The following SETMAR variants were observed in gnomAD, a reference collection of about 807,000 sequenced individuals.
SETMAR encodes the protein SET and mariner transposase domain methyltransferase, also known as histone-lysine N-methyltransferase SETMAR.
A neutral mutation model predicts 58.4 loss-of-function variants in SETMAR; 44 were observed. The observed-to-expected ratio is 0.75, with a 90% CI of 0.59 to 0.97. SETMAR has a LOEUF of 0.97. Ranked by LOEUF, SETMAR falls within the 50% of genes least tolerant of loss-of-function variation. The probability of loss-of-function intolerance (pLI) is 0.00; values close to 1 mark genes in which losing one functional copy is unlikely to be tolerated. For missense variants in SETMAR, 903 were observed against 840.2 expected, an observed-to-expected ratio of 1.07 and a Z score of -0.92; for synonymous variants, 332 against 307.4, an observed-to-expected ratio of 1.08 and a Z score of -0.84.
intron 1 of SETMAR, among the ~76,000 whole-genome samples, chr3:4,310,637 G>A (rs1006254000): frequency 6.6e-6 from 1 of 152,144 alleles, no homozygotes; most frequent in African/African-American, 2.4e-5. Flanking sequence ...AAGTTTAATT[G>A]CAGAATTTTA....
chr3:4,311,864 A>G (rs1327893018), intron 1 of SETMAR, among the ~76,000 whole-genome samples: 1 of 152,218 alleles, frequency 6.6e-6, no homozygotes, highest in East Asian at 1.9e-4. Context: ...CTATATACAT[A>G]AAAAAATCTG....
At chr3:4,303,617 G>A in intron 1 of SETMAR, 91 bp downstream of exon 1, 4 of 1,379,232 alleles carry the variant, frequency 2.9e-6, no homozygotes, top group Non-Finnish European at 3.7e-6. Context: ...CCTCCCAGTC[G>A]CGACCTTTTG....
chr3:4,314,891 G>A (rs1400495475), intron 2 of SETMAR, among the ~76,000 whole-genome samples: 2 of 152,112 alleles, frequency 1.3e-5, no homozygotes, highest in Admixed American at 1.3e-4. Flanking sequence ...CTACCACTAG[G>A]AGGCCCTGCA....
chr3:4,304,706 G>T (rs555470675), intron 1 of SETMAR, among the ~76,000 whole-genome samples: 2 of 152,250 alleles, frequency 1.3e-5, no homozygotes, highest in South Asian at 4.1e-4. Context: ...TTTTTGTGAG[G>T]ATCAGATAAG....
chr3:4,313,666 GA>G lies in SETMAR; in HGVS notation c.929del (p.Lys310SerfsTer28). On this transcript the variant is annotated frameshift_variant, in exon 2 of 3. Coordinates refer to ENST00000358065, the MANE Select transcript of SETMAR (RefSeq NM_006515.4). LOFTEE classifies it high-confidence loss of function. The stretch of plus-strand genomic sequence containing the variant: ...TGACAGTTCTCTGTACTGCCCCGTA[GA>G]AAAGTCGAACATCAGTTGTGGAAAT... Reference protein sequence around the residue: ...PFDSSLYCPVEKSNISCGNEK... With the variant: ...PFDSSLYCPVXKSNISCGNEK... The G allele has an allele frequency of 6.2e-7, 1 of 1,614,012 alleles. No homozygotes were observed. Among genetic ancestry groups the G allele is most frequent in the Non-Finnish European group, 8.5e-7 (1 of 1,179,950 alleles).
At position 4,316,881 on chromosome 3, in the gene SETMAR, G is replaced by C; in HGVS notation, c.1690G>C (p.Asp564His). ...ITSEKYAQEI[D>H]EMNQKLQRLQ... ...ATCTGAGAAGTATGCTCAGGAAATC[G>C]ATGAGATGAACCAAAAACTGCAACG... The change falls in exon 3 of 3, where the codon GAT becomes CAT. Residue 564 changes from aspartate to histidine, a missense_variant. Asp to His is a moderately conservative substitution (Grantham distance 81, BLOSUM62 -1). Coordinates refer to ENST00000358065, the MANE Select transcript of SETMAR (RefSeq NM_006515.4). 6.5e-7 allele frequency: 1 copy of C among 1,549,316 alleles called. No homozygotes were observed.
At chr3:4,307,870 C>A (rs1698252287) in intron 1 of SETMAR, among the ~76,000 whole-genome samples, 1 of 151,910 alleles carries the variant, frequency 6.6e-6, no homozygotes, top group Non-Finnish European at 1.5e-5. Flanking sequence ...AAAGTGAGAC[C>A]CCATCTCTAC....
intron 1 of SETMAR, chr3:4,303,756 C>T: frequency 6.8e-7 from 1 of 1,475,538 alleles, no homozygotes; most frequent in Non-Finnish European, 9.1e-7. Context: ...CCCTGAAGCG[C>T]AGAACCGGAG....
At chr3:4,306,841 AAG>A (rs777699182) in intron 1 of SETMAR, among the ~76,000 whole-genome samples, 2 of 152,242 alleles carry the variant, frequency 1.3e-5, no homozygotes, top group Non-Finnish European at 2.9e-5. Flanking sequence ...AAAAGGCAAA[AAG>A]AAATTCAAAT....
In SETMAR at chr3:4,312,910, C is replaced by A. The variant is rs1235815982; in HGVS notation, c.169C>A (p.His57Asn). 1.2e-6 allele frequency: 2 copies of A among 1,611,296 alleles called. No homozygotes were observed. Among genetic ancestry groups the A allele is most frequent in the African/African-American group, 1.3e-5 (1 of 74,850 alleles). ...APAPFQYTPD[H>N]VVGPGADIDP... ...ATATTTTTTACAGTACACTCCTGAT[C>A]ATGTAGTTGGACCTGGAGCAGACAT... Residue 57 changes from histidine to asparagine, a missense_variant, in exon 2 of 3, where the codon CAT becomes AAT. Transcript: ENST00000358065.
chr3:4,307,488 T>C (rs1342772688), intron 1 of SETMAR, among the ~76,000 whole-genome samples: 1 of 152,194 alleles, frequency 6.6e-6, no homozygotes, highest in Non-Finnish European at 1.5e-5. Flanking sequence ...TTCATGCTAT[T>C]AACAGTAAAT....
chr3:4,306,516 C>T (rs1209566664), intron 1 of SETMAR, among the ~76,000 whole-genome samples: 4 of 152,178 alleles, frequency 2.6e-5, no homozygotes, highest in African/African-American at 4.8e-5. Context: ...TTCTAACTAT[C>T]TCTGTATATG....
intron 1 of SETMAR, among the ~76,000 whole-genome samples, chr3:4,311,974 A>G (rs73807001): frequency 0.013 from 2,007 of 152,316 alleles, 48 homozygotes; most frequent in African/African-American, 0.046. Context: ...CATAGAGTTT[A>G]GATTGAGGAT....
Position 4,317,044 on chromosome 3 carries a change from A to G in SETMAR, c.1853A>G (p.Asp618Gly). Residue 618 changes from aspartate to glycine, a missense_variant, in exon 3 of 3, where the codon GAC becomes GGC. Transcript: ENST00000358065. ...EVLPHPPYSP[D>G]LLPTNYHVFK... ...TTGCCTCATCCACCGTATTCACCTGACCTCTTGCCAACCAACTACCACGTC... is the reference window on the plus strand; with the variant it reads ...TTGCCTCATCCACCGTATTCACCTGGCCTCTTGCCAACCAACTACCACGTC... The G allele has an allele frequency of 5.2e-6, 8 of 1,549,270 alleles. No homozygotes were observed. Among genetic ancestry groups the G allele is most frequent in the Non-Finnish European group, 7.0e-6 (8 of 1,146,694 alleles).
chr3:4,312,443 CAT>C (rs1698443297), intron 1 of SETMAR, among the ~76,000 whole-genome samples: 2 of 151,922 alleles, frequency 1.3e-5, no homozygotes, highest in South Asian at 4.1e-4. Context: ...CATAATAATA[CAT>C]ATATATGTCC....
chr3:4,308,292 A>G (rs1330463006), intron 1 of SETMAR, among the ~76,000 whole-genome samples: 1 of 152,198 alleles, frequency 6.6e-6, no homozygotes, highest in African/African-American at 2.4e-5. Context: ...CTACCCTACT[A>G]TGCACTACCT....
At chr3:4,306,971 AC>A (rs1698213665) in intron 1 of SETMAR, among the ~76,000 whole-genome samples, 1 of 152,234 alleles carries the variant, frequency 6.6e-6, no homozygotes, top group Non-Finnish European at 1.5e-5. Context: ...GGTCTCTGAA[AC>A]CAGCTTCAAA....
At position 4,316,814 on chromosome 3, in the gene SETMAR, T is replaced by C. The variant is rs975461121; in HGVS notation, c.1623T>C (p.Gly541=). 3 of 1,550,542 alleles carry C rather than the reference T, an allele frequency of 1.9e-6. No homozygotes were observed. The African/African-American group carries it at 4.1e-5, about 21-fold the overall frequency. The change falls in exon 3 of 3, where the codon GGT becomes GGC. Residue 541 remains glycine, a synonymous_variant. Coordinates refer to ENST00000358065, the MANE Select transcript of SETMAR (RefSeq NM_006515.4). ...VMVTIWWSAA[G]LIHYSFLNPG... Reference sequence around the variant, plus strand: ...TCACTATTTGGTGGTCTGCTGCTGGTCTGATCCACTACAGCTTTCTGAATC... The same window carrying C: ...TCACTATTTGGTGGTCTGCTGCTGGCCTGATCCACTACAGCTTTCTGAATC...
At chr3:4,305,541 G>T (rs548975276) in intron 1 of SETMAR, among the ~76,000 whole-genome samples, 70 of 152,268 alleles carry the variant, frequency 4.6e-4, no homozygotes, top group African/African-American at 1.4e-3. Flanking sequence ...GGGGAAAGGG[G>T]ATTCTCTATA....
Sources: allele counts gnomAD v4.1 joint callset (sites outside exome capture counted in the v4.1 genomes callset), GRCh38; gene constraint gnomAD v4.1.1; transcripts MANE v1.5; gene names NCBI Gene and HGNC (gene_info 2026-07-23, HGNC 2026-07-21).